Variants in RAB38 observed in about 807,000 individuals in gnomAD.
RAB38 encodes RAB38, member RAS oncogene family, also known as ras-related protein Rab-38.
RAB38 carries 15 observed loss-of-function variants against 18.4 expected under a neutral mutation model. The observed-to-expected ratio is 0.82, with a 90% CI of 0.55 to 1.26. The LOEUF is 1.26. Ranked by LOEUF, RAB38 falls within the 50% of genes most tolerant of loss-of-function variation. RAB38 has a pLI of 0.00. For missense variants in RAB38, 294 were observed against 267.4 expected (o/e 1.10, Z -0.69); for synonymous variants, 101 against 104.4 (o/e 0.97, Z 0.20).
At chr11:88,143,702 A>G (rs890016631) in intron 2 of RAB38, among the ~76,000 whole-genome samples, 1 of 152,256 alleles carries the variant, frequency 6.6e-6, no homozygotes, top group African/African-American at 2.4e-5. Flanking sequence ...GATTGTCCAA[A>G]CATGAAACAG....
chr11:88,169,856 T>C (rs1943287963), intron 1 of RAB38, among the ~76,000 whole-genome samples: 1 of 152,252 alleles, frequency 6.6e-6, no homozygotes, highest in Non-Finnish European at 1.5e-5. Context: ...TGATTTGTTT[T>C]TGTGTCATCA....
the RAB38 span, among the ~76,000 whole-genome samples, chr11:88,082,403 T>C: frequency 9.9e-5 from 15 of 151,862 alleles, no homozygotes; most frequent in African/African-American, 3.6e-4. Context: ...GAGCAGAAAA[T>C]GTCAGCCTGG....
chr11:88,043,565 A>T, the RAB38 span, among the ~76,000 whole-genome samples: 2 of 151,792 alleles, frequency 1.3e-5, no homozygotes, highest in Non-Finnish European at 2.9e-5. Context: ...TGCCTGGCTC[A>T]TCCTGGCTCA....
At chr11:87,869,247 T>C in the RAB38 span, among the ~76,000 whole-genome samples, 1 of 151,754 alleles carries the variant, frequency 6.6e-6, no homozygotes, top group African/African-American at 2.4e-5. Flanking sequence ...AGATGACTTA[T>C]TATACTCCAG....
intron 2 of RAB38, among the ~76,000 whole-genome samples, chr11:88,116,791 TAGATA>T (rs1942559481): frequency 6.6e-6 from 1 of 152,178 alleles, no homozygotes; most frequent in African/African-American, 2.4e-5. Context: ...TGATAAAAAT[TAGATA>T]AAAGTTAGTA....
chr11:88,027,314 C>A, the RAB38 span, among the ~76,000 whole-genome samples: 1 of 152,144 alleles, frequency 6.6e-6, no homozygotes. Context: ...CGGGTGATTT[C>A]TGCATTTCCA....
chr11:88,005,622 T>C, the RAB38 span, among the ~76,000 whole-genome samples: 2 of 151,440 alleles, frequency 1.3e-5, no homozygotes, highest in African/African-American at 4.8e-5. Context: ...CATTTGTCTG[T>C]ATTTGCTTTT....
the RAB38 span, among the ~76,000 whole-genome samples, chr11:88,027,640 C>T: frequency 1.1e-4 from 17 of 151,902 alleles, no homozygotes; most frequent in Non-Finnish European, 1.3e-4. Flanking sequence ...AGTCTGAGAT[C>T]AAACTGCAAG....
intron 2 of RAB38, among the ~76,000 whole-genome samples, chr11:88,141,502 G>C (rs1010501671): frequency 6.6e-6 from 1 of 152,068 alleles, no homozygotes; most frequent in Non-Finnish European, 1.5e-5. Flanking sequence ...TAAGGAAAAG[G>C]CACTAATTTC....
At chr11:87,820,833 A>T in the RAB38 span, among the ~76,000 whole-genome samples, 1 of 152,242 alleles carries the variant, frequency 6.6e-6, no homozygotes, top group Admixed American at 6.5e-5. Context: ...AGAATCAGTG[A>T]CCATACTGGG....
the RAB38 span, among the ~76,000 whole-genome samples, chr11:88,023,960 G>A: frequency 6.6e-6 from 1 of 152,052 alleles, no homozygotes; most frequent in Non-Finnish European, 1.5e-5. Flanking sequence ...AAACATTGAG[G>A]AAACTCTCCA....
the RAB38 span, among the ~76,000 whole-genome samples, chr11:87,976,595 G>T: frequency 2.2e-5 from 1 of 45,014 alleles, no homozygotes; most frequent in Non-Finnish European, 4.3e-5. Flanking sequence ...TTTATATACT[G>T]TCTATAAATA....
the RAB38 span, among the ~76,000 whole-genome samples, chr11:87,895,177 T>TTGTC: frequency 5.3e-5 from 8 of 151,624 alleles, no homozygotes; most frequent in Non-Finnish European, 3.0e-5. Context: ...AGAAAGCAGC[T>TTGTC]TGTCTGGCTG....
the RAB38 span, among the ~76,000 whole-genome samples, chr11:87,833,521 T>C: frequency 6.6e-6 from 1 of 152,210 alleles, no homozygotes; most frequent in African/African-American, 2.4e-5. Flanking sequence ...CCCTTCATAA[T>C]GTCGATTTGT....
At chr11:88,017,088 G>A in the RAB38 span, among the ~76,000 whole-genome samples, 32 of 152,166 alleles carry the variant, frequency 2.1e-4, no homozygotes, top group South Asian at 1.7e-3. Flanking sequence ...CGAATTTGAA[G>A]GAGGAGCAGC....
At chr11:87,910,283 A>T in the RAB38 span, among the ~76,000 whole-genome samples, 10 of 152,074 alleles carry the variant, frequency 6.6e-5, no homozygotes, top group African/African-American at 2.4e-4. Context: ...TGTATTATCA[A>T]ATCTTTTGCC....
the RAB38 span, among the ~76,000 whole-genome samples, chr11:87,842,794 GCACA>G: frequency 1.6e-4 from 21 of 129,996 alleles, no homozygotes; most frequent in African/African-American, 3.3e-4. Flanking sequence ...GCATGCGCAT[GCACA>G]CACACACACA....
chr11:87,805,209 C>A, the RAB38 span, among the ~76,000 whole-genome samples: 1 of 152,044 alleles, frequency 6.6e-6, no homozygotes, highest in Non-Finnish European at 1.5e-5. Context: ...TTTTAAAAAT[C>A]TTCCTTTTTA....
chr11:87,886,519 C>T, the RAB38 span, among the ~76,000 whole-genome samples: 9 of 151,804 alleles, frequency 5.9e-5, no homozygotes, highest in Admixed American at 5.9e-4. Flanking sequence ...CCCCAGAAAA[C>T]CTGTGGTTAA....
Sources: gnomAD v4.1 joint callset for allele counts (sites outside exome capture counted in the v4.1 genomes callset) on GRCh38, gnomAD v4.1.1 for gene constraint, MANE v1.5 for transcripts, NCBI Gene and HGNC (gene_info 2026-07-23, HGNC 2026-07-21) for gene names.